Variants in GABRB3 observed in about 807,000 individuals in gnomAD.
The protein encoded by GABRB3 is gamma-aminobutyric acid type A receptor subunit beta3, also known as gamma-aminobutyric acid receptor subunit beta-3.
In GABRB3, 14 loss-of-function variants were observed where a neutral mutation model predicts 52.1. The ratio of observed to expected loss-of-function variants is 0.27; its 90% CI spans 0.18 to 0.42. The LOEUF (loss-of-function observed/expected upper bound fraction) is 0.42, where lower values mean the gene tolerates loss of function less well. Ranked by LOEUF, GABRB3 falls within the 10% of genes least tolerant of loss-of-function variation. The pLI, the probability that GABRB3 is intolerant of heterozygous loss-of-function variation, is 1.00. For synonymous variants in GABRB3, 260 were observed against 232.3 expected, an observed-to-expected ratio of 1.12 and a Z score of -1.08; for missense variants, 307 against 609.1, an observed-to-expected ratio of 0.50 and a Z score of 5.22.
At chr15:26,620,308 C>G (rs1892435189) in intron 4 of GABRB3, among the ~76,000 whole-genome samples, 3 of 152,312 alleles carry the variant, frequency 2.0e-5, no homozygotes, top group Middle Eastern at 6.8e-3. Context: ...AAGTCACTCA[C>G]ATGTTCTATT....
intron 8 of GABRB3, among the ~76,000 whole-genome samples, chr15:26,554,176 GTATA>G (rs71130258): frequency 3.7e-5 from 1 of 27,334 alleles, no homozygotes; most frequent in East Asian, 7.2e-4. Flanking sequence ...TATATATAAA[GTATA>G]TATATATATA....
At chr15:26,671,454 C>A (rs998663134) in intron 3 of GABRB3, among the ~76,000 whole-genome samples, 1 of 152,194 alleles carries the variant, frequency 6.6e-6, no homozygotes, top group Non-Finnish European at 1.5e-5. Flanking sequence ...AGCAGGGACA[C>A]ATTCCTCCAA....
intron 3 of GABRB3, among the ~76,000 whole-genome samples, chr15:26,760,767 G>A (rs1188890411): frequency 1.3e-5 from 2 of 150,262 alleles, no homozygotes; most frequent in African/African-American, 4.9e-5. Flanking sequence ...TTTAAAAACT[G>A]GTTTTCTCTG....
intron 8 of GABRB3, among the ~76,000 whole-genome samples, chr15:26,554,035 A>ATATATATATATATATATATATATATT (rs1555400769): frequency 2.5e-5 from 2 of 80,396 alleles, no homozygotes; most frequent in African/African-American, 1.0e-4. Context: ...ATATATATAT[A>ATATATATATATATATATATATATATT]TTTATTTATT....
chr15:26,745,167 G>A (rs1829282547), intron 3 of GABRB3, among the ~76,000 whole-genome samples: 1 of 152,140 alleles, frequency 6.6e-6, no homozygotes, highest in East Asian at 1.9e-4. Context: ...AGCCATGAGG[G>A]AATTCGTCCC....
At position 26,621,635 on chromosome 15, in the gene GABRB3, G is replaced by T; in HGVS notation, c.241-101C>A. 1 of 858,952 alleles carries T rather than the reference G, an allele frequency of 1.2e-6. No homozygotes were observed. Among genetic ancestry groups the T allele is most frequent in the Non-Finnish European group, 1.9e-6 (1 of 536,088 alleles). 53.2% of individuals were successfully genotyped at this position (858,952 alleles called of 1,614,324 possible). Reference sequence around the variant, plus strand: ...CAGGTTGCAATCTAGGCTCTACAGTGAATAACCAGGAGAAACGGATGCCAT... The same window carrying T: ...CAGGTTGCAATCTAGGCTCTACAGTTAATAACCAGGAGAAACGGATGCCAT... On this transcript the variant is annotated intron_variant, in intron 3 of 8. Transcript: ENST00000311550. This position sits in a 1 kb window ranked among gnomAD's most constrained non-coding sequence, Gnocchi z 4.1.
chr15:26,563,967 C>T (rs1037493546), intron 7 of GABRB3, among the ~76,000 whole-genome samples: 2 of 152,146 alleles, frequency 1.3e-5, no homozygotes, highest in South Asian at 4.1e-4. Flanking sequence ...TGTTTCTCCT[C>T]CTCATGATAA....
In GABRB3 at chr15:26,764,168, AAAAAAAAAAAAATATATATATATATATAT is replaced by A. The variant is rs1255276481; in HGVS notation, c.240+8205_240+8233del. On this transcript the variant is annotated intron_variant, in intron 3 of 8. Transcript: ENST00000311550. ...CGGTCTCAAAAAAAAAAAAAAAAAA[AAAAAAAAAAAAATATATATATATATATAT>A]ATATATATATATATATATATATATA... Among the ~76,000 whole-genome samples, 16 of 25,394 alleles carry A rather than the reference AAAAAAAAAAAAATATATATATATATATAT, an allele frequency of 6.3e-4. 1 individual carries two copies. The highest frequency in any genetic ancestry group is 1.1e-3 in the Non-Finnish European group (14 of 13,156). The allele number at this position is 25,394 out of a possible 152,430, so 16.7% of individuals were successfully genotyped here.
At chr15:26,644,245 A>ATTTG (rs1893289523) in intron 3 of GABRB3, among the ~76,000 whole-genome samples, 1 of 152,194 alleles carries the variant, frequency 6.6e-6, no homozygotes, top group East Asian at 1.9e-4. Context: ...TACATGGAAA[A>ATTTG]CAGTCTTCTC....
chr15:26,659,600 T>A (rs144229221), intron 3 of GABRB3, among the ~76,000 whole-genome samples: 1,560 of 152,312 alleles, frequency 0.01, 26 homozygotes, highest in African/African-American at 0.035. Flanking sequence ...CTGAAAATCT[T>A]GAGACTATTT....
At chr15:26,773,163 C>G (rs1217463669), upstream of GABRB3, 1 of 260,138 alleles carries the variant, frequency 3.8e-6, no homozygotes, top group Non-Finnish European at 6.2e-6. Flanking sequence ...CGCGCGCGGG[C>G]GCGGGGCGGG....
At chr15:26,690,534 T>C (rs1888555488) in intron 3 of GABRB3, among the ~76,000 whole-genome samples, 1 of 152,006 alleles carries the variant, frequency 6.6e-6, no homozygotes, top group Non-Finnish European at 1.5e-5. Context: ...CCCTGGCCTG[T>C]TGGTGTCGGC....
chr15:26,631,321 A>G (rs1892908526), intron 3 of GABRB3, among the ~76,000 whole-genome samples: 1 of 152,198 alleles, frequency 6.6e-6, no homozygotes, highest in Non-Finnish European at 1.5e-5. Flanking sequence ...GCTTTTGCAA[A>G]TCTCTTGGCG....
At chr15:26,611,605 TA>T (rs1237042829) in intron 4 of GABRB3, among the ~76,000 whole-genome samples, 3 of 152,162 alleles carry the variant, frequency 2.0e-5, no homozygotes, top group African/African-American at 4.8e-5. Context: ...ACTGGTTACT[TA>T]AAAAACAGAA....
chr15:26,745,803 T>A (rs966769495), intron 3 of GABRB3, among the ~76,000 whole-genome samples: 10 of 152,246 alleles, frequency 6.6e-5, no homozygotes, highest in African/African-American at 9.6e-5. Flanking sequence ...TTCTTTCTGT[T>A]GCTGAATAGA....
intron 4 of GABRB3, among the ~76,000 whole-genome samples, chr15:26,605,391 TCC>T (rs1468863071): frequency 3.6e-4 from 55 of 152,284 alleles, no homozygotes; most frequent in African/African-American, 1.2e-3. Context: ...TACTATATGA[TCC>T]AGGAATCCCA....
intron 8 of GABRB3, among the ~76,000 whole-genome samples, chr15:26,558,807 C>T (rs1268407707): frequency 6.6e-6 from 1 of 151,298 alleles, no homozygotes; most frequent in African/African-American, 2.4e-5. Context: ...CATCACACTC[C>T]AGCCTGGGCA....
At position 26,772,486 on chromosome 15, in the gene GABRB3, A is replaced by T. The variant is rs1178284927; in HGVS notation, c.173-17T>A. The T allele has an allele frequency of 6.2e-7, 1 of 1,608,700 alleles. No individual in the cohort carries two copies. The highest frequency in any genetic ancestry group is 1.3e-5 in the African/African-American group (1 of 74,778). On this transcript the variant is annotated splice_polypyrimidine_tract_variant and intron_variant, in intron 2 of 8. Coordinates refer to ENST00000311550, the MANE Select transcript of GABRB3 (RefSeq NM_000814.6). Reference sequence around the variant, plus strand: ...CCGGGGGACCTGCGGGAAGCACAGGACACGGCGATCAGCCCAGCTCCGGCG... The same window carrying T: ...CCGGGGGACCTGCGGGAAGCACAGGTCACGGCGATCAGCCCAGCTCCGGCG...
intron 3 of GABRB3, among the ~76,000 whole-genome samples, chr15:26,653,701 A>G (rs1887272382): frequency 6.6e-6 from 1 of 152,202 alleles, no homozygotes; most frequent in Non-Finnish European, 1.5e-5. Context: ...TTGGGTGGTT[A>G]CAGTTAGGTC....
Sources: gnomAD v4.1 joint callset for allele counts (sites outside exome capture counted in the v4.1 genomes callset) on GRCh38, gnomAD v4.1.1 for gene constraint, Gnocchi (gnomAD v3.1) non-coding constraint, MANE v1.5 for transcripts, NCBI Gene and HGNC (gene_info 2026-07-23, HGNC 2026-07-21) for gene names.